Variants in NDEL1 observed in about 807,000 individuals in gnomAD.
The protein encoded by NDEL1 is nudE neurodevelopment protein 1 like 1, also known as nuclear distribution protein nudE-like 1.
NDEL1 carries 9 observed loss-of-function variants against 45.7 expected under a neutral mutation model. The ratio of observed to expected loss-of-function variants is 0.20; its 90% CI spans 0.12 to 0.34. NDEL1 has a LOEUF of 0.34. Ranked by LOEUF, NDEL1 falls within the 10% of genes least tolerant of loss-of-function variation. The probability of loss-of-function intolerance (pLI) is 1.00; values close to 1 mark genes in which losing one functional copy is unlikely to be tolerated. For missense variants in NDEL1, 306 were observed against 406.2 expected (o/e 0.75, Z 2.12); for synonymous variants, 133 against 158.6 (o/e 0.84, Z 1.21).
At position 8,460,156 on chromosome 17, in the gene NDEL1, AAAGGGT is replaced by A; in HGVS notation, c.944_944+5del. 2 of 1,612,524 alleles carry A rather than the reference AAAGGGT, an allele frequency of 1.2e-6. No homozygotes were observed. Among genetic ancestry groups the A allele is most frequent in the Non-Finnish European group, 1.7e-6 (2 of 1,179,454 alleles). On this transcript the variant is annotated splice_donor_variant and coding_sequence_variant, in exon 8 of 9. Transcript: ENST00000334527. LOFTEE classifies it high-confidence loss of function. ...ATCAGGGCATACATCTTTCTTCGAC[AAAGGGT>A]AAGTCCTGAATGTTTTAAGTGATAA...
chr17:8,419,599 T>G (rs2151692812), intron 1 of NDEL1, among the ~76,000 whole-genome samples: 1 of 152,348 alleles, frequency 6.6e-6, no homozygotes, highest in Non-Finnish European at 1.5e-5. Context: ...GGGTTAAAAT[T>G]TTGATTAACA....
At position 8,467,033 on chromosome 17, in the gene NDEL1, C is replaced by T; in HGVS notation, c.*10C>T. 6.2e-7 allele frequency: 1 copy of T among 1,613,816 alleles called. No homozygotes were observed. Among genetic ancestry groups the T allele is most frequent in the South Asian group, 1.1e-5 (1 of 91,080 alleles). On this transcript the variant is annotated 3_prime_UTR_variant, in exon 9 of 9. Transcript: ENST00000334527. This position sits in a 1 kb window ranked among gnomAD's most constrained non-coding sequence, Gnocchi z 6.3. ...GCCTCTCAGTGTGTGAGTGCCTAGC[C>T]TCCAGGTGGGGGCTCCTGCCCTCCT... is the stretch of plus-strand genomic sequence containing the variant.
At chr17:8,470,036 A>G (rs943006926), downstream of NDEL1, among the ~76,000 whole-genome samples, 1 of 151,788 alleles carries the variant, frequency 6.6e-6, no homozygotes, top group Non-Finnish European at 1.5e-5. This position sits in a 1 kb window ranked among gnomAD's most constrained non-coding sequence, Gnocchi z 4.2. Flanking sequence ...TGGCTCTAGC[A>G]GCTCTTGGCA....
At chr17:8,452,310 C>T (rs1567736463) in intron 6 of NDEL1, among the ~76,000 whole-genome samples, 3 of 152,128 alleles carry the variant, frequency 2.0e-5, no homozygotes, top group African/African-American at 4.8e-5. Context: ...AGTGAAAAGC[C>T]TCAGGTGCGG....
chr17:8,434,557 G>A (rs1909133097), upstream of NDEL1, among the ~76,000 whole-genome samples: 1 of 151,726 alleles, frequency 6.6e-6, no homozygotes, highest in African/African-American at 2.4e-5. Flanking sequence ...CTAAAGGAAA[G>A]GATTACCTTG....
At chr17:8,437,089 A>G (rs1006547157) in intron 1 of NDEL1, among the ~76,000 whole-genome samples, 2 of 152,212 alleles carry the variant, frequency 1.3e-5, no homozygotes, top group South Asian at 2.1e-4. Flanking sequence ...GTCATGAGAA[A>G]AATCTTCCTG....
At chr17:8,439,236 G>C (rs1210938044) in intron 1 of NDEL1, among the ~76,000 whole-genome samples, 1 of 148,716 alleles carries the variant, frequency 6.7e-6, no homozygotes, top group Admixed American at 6.7e-5. Context: ...CACTGTGCCC[G>C]GCCTTTTTTT....
chr17:8,461,348 A>G (rs1468223868), intron 8 of NDEL1: 1 of 152,232 alleles, frequency 6.6e-6, no homozygotes, highest in African/African-American at 2.4e-5. Flanking sequence ...ATTTTGTATT[A>G]AAAGCACATC....
intron 1 of NDEL1, among the ~76,000 whole-genome samples, chr17:8,437,910 G>T (rs912031936): frequency 2.2e-5 from 3 of 134,738 alleles, no homozygotes; most frequent in Admixed American, 1.5e-4. Context: ...GACTGTGTCC[G>T]TATTGAGATC....
chr17:8,460,813 C>T (rs1462560711), intron 8 of NDEL1, among the ~76,000 whole-genome samples: 1 of 152,158 alleles, frequency 6.6e-6, no homozygotes, highest in African/African-American at 2.4e-5. Context: ...TGCATCTGCT[C>T]TAAGTTGTTT....
At chr17:8,440,206 C>T (rs960749917) in intron 1 of NDEL1, among the ~76,000 whole-genome samples, 3 of 152,166 alleles carry the variant, frequency 2.0e-5, no homozygotes, top group Non-Finnish European at 4.4e-5. Flanking sequence ...ATTCAATTCA[C>T]ATGAGATTCA....
At chr17:8,449,068 C>T (rs1436605106) in intron 5 of NDEL1, among the ~76,000 whole-genome samples, 2 of 152,186 alleles carry the variant, frequency 1.3e-5, no homozygotes, top group African/African-American at 4.8e-5. Context: ...CTGCAAATTC[C>T]GCCTCCTGGG....
chr17:8,467,007 T>C lies in NDEL1; in HGVS notation c.1022T>C (p.Leu341Pro). 1 of 1,614,152 alleles carries C rather than the reference T, an allele frequency of 6.2e-7. No individual in the cohort carries two copies. Among genetic ancestry groups the C allele is most frequent in the Non-Finnish European group, 8.5e-7 (1 of 1,180,022 alleles). Reference sequence around the variant, plus strand: ...CGTCCATCGTCAGCGCCGGGTATGCTGCCTCTCAGTGTGTGAGTGCCTAGC... The same window carrying C: ...CGTCCATCGTCAGCGCCGGGTATGCCGCCTCTCAGTGTGTGAGTGCCTAGC... ...SSRPSSAPGMLPLSV is the reference protein window; with the variant it reads ...SSRPSSAPGMPPLSV Residue 341 changes from leucine (L) to proline (P), a missense_variant, in exon 9 of 9, where the codon CTG becomes CCG. Physicochemically the swap from Leu to Pro is moderately conservative, Grantham distance 98 (BLOSUM62 -3). Around this residue, in one of 3 missense-constraint regions of NDEL1, gnomAD observed 175 missense variants for 205.2 expected, o/e 0.85. Transcript: ENST00000334527. This position sits in a 1 kb window ranked among gnomAD's most constrained non-coding sequence, Gnocchi z 6.3.
At chr17:8,422,936 A>C (rs1444638255) in intron 1 of NDEL1, among the ~76,000 whole-genome samples, 1 of 151,798 alleles carries the variant, frequency 6.6e-6, no homozygotes, top group South Asian at 2.1e-4. Flanking sequence ...GGGTTTCATC[A>C]TGTTGGCTGG....
chr17:8,428,382 C>T (rs1299450772), intron 1 of NDEL1, among the ~76,000 whole-genome samples: 3 of 72,628 alleles, frequency 4.1e-5, no homozygotes, highest in Non-Finnish European at 5.6e-5. Flanking sequence ...TTTTTTTTTC[C>T]GAGACAGAGT....
At chr17:8,449,329 A>G (rs1910310719) in intron 5 of NDEL1, among the ~76,000 whole-genome samples, 1 of 152,092 alleles carries the variant, frequency 6.6e-6, no homozygotes, top group African/African-American at 2.4e-5. Flanking sequence ...CAGTCTCAGT[A>G]TGTTGGCCAG....
Position 8,430,587 on chromosome 17 carries a change from G to GGA in NDEL1, c.-12-13668_-12-13667dup, listed in dbSNP as rs1908976229. 5.3e-5 allele frequency among the ~76,000 whole-genome samples: 8 copies of GGA among 152,284 alleles called. No individual in the cohort carries two copies. The South Asian group carries it at 1.7e-3, about 32-fold the overall frequency. On this transcript the variant is annotated intron_variant, in intron 1 of 4. Coordinates refer to the NDEL1 transcript ENST00000582812. Reference sequence around the variant, plus strand: ...TTCCTGAATCTCAGAGTTTGTGACAGGAGAGATGTTGGGATCCTCATGCAT... The same window carrying GGA: ...TTCCTGAATCTCAGAGTTTGTGACAGGAGAGAGATGTTGGGATCCTCATGCAT...
At chr17:8,460,909 G>A (rs1426311921) in intron 8 of NDEL1, among the ~76,000 whole-genome samples, 2 of 152,104 alleles carry the variant, frequency 1.3e-5, no homozygotes, top group African/African-American at 4.8e-5. Flanking sequence ...TCCATGTCAT[G>A]TATATTATTC....
At position 8,467,137 on chromosome 17, in the gene NDEL1, C is replaced by A. The variant is rs752400486; in HGVS notation, c.*114C>A. On this transcript the variant is annotated 3_prime_UTR_variant, in exon 9 of 9. Coordinates refer to ENST00000334527, the MANE Select transcript of NDEL1 (RefSeq NM_030808.5). The surrounding 1 kb of genome is among the most constrained non-coding windows in gnomAD (Gnocchi z 6.3). ...TGCCCCTCCGTCTGCCTCCGCACGG[C>A]TGGCAGAGGGCAGGCTGCATGCAGT... 6.8e-6 allele frequency: 7 copies of A among 1,030,662 alleles called. No homozygotes were observed. The highest frequency in any genetic ancestry group is 1.4e-5 in the South Asian group (1 of 70,410). The allele number at this position is 1,030,662 out of a possible 1,614,324, so 63.8% of individuals were successfully genotyped here.
Sources: gnomAD v4.1 joint callset for allele counts (sites outside exome capture counted in the v4.1 genomes callset) on GRCh38, gnomAD v4.1.1 for gene constraint, gnomAD v4.1.1 regional missense constraint, Gnocchi (gnomAD v3.1) non-coding constraint, MANE v1.5 for transcripts, NCBI Gene and HGNC (gene_info 2026-07-23, HGNC 2026-07-21) for gene names.